MUC22: variants seen among roughly 807,000 people sequenced by gnomAD.
MUC22 encodes mucin-22.
In MUC22, 24 loss-of-function variants were observed where a neutral mutation model predicts 40.3. The observed-to-expected ratio is 0.60, with a 90% CI of 0.43 to 0.84. MUC22 has a LOEUF of 0.84. MUC22 is among the 40% of genes least tolerant of loss of function. The pLI, the probability that MUC22 is intolerant of heterozygous loss-of-function variation, is 0.00. For missense variants in MUC22, 1,926 were observed against 2,130.7 expected, an observed-to-expected ratio of 0.90 and a Z score of 1.89; for synonymous variants, 765 against 844.5, an observed-to-expected ratio of 0.91 and a Z score of 1.63.
rs73395827 is a variant in MUC22 at position 31,010,635 on chromosome 6, C to A, written c.-72C>A. 150 of 699,474 alleles carry A rather than the reference C, an allele frequency of 2.1e-4. 1 individual carries two copies. The African/African-American group carries it at 2.4e-3, about 11-fold the overall frequency. The allele number at this position is 699,474 out of a possible 1,614,324, so 43.3% of individuals were successfully genotyped here. On this transcript the variant is annotated 5_prime_UTR_variant, in exon 1 of 4. It adds an upstream start codon to the 5' untranslated region. Coordinates refer to ENST00000561890, the Ensembl canonical transcript of MUC22. Reference sequence around the variant, plus strand: ...CCCAGGGGGTTTGCCCCTTGTCTCTCTGCCTCTTTGACCTATCCTTCCTTT... The same window carrying A: ...CCCAGGGGGTTTGCCCCTTGTCTCTATGCCTCTTTGACCTATCCTTCCTTT...
intron 1 of MUC22, among the ~76,000 whole-genome samples, chr6:31,024,986 C>T (rs1324347077): frequency 6.6e-6 from 1 of 151,990 alleles, no homozygotes; most frequent in Non-Finnish European, 1.5e-5. Context: ...TCTCCTGCCT[C>T]AGCCTCCTGA....
intron 1 of MUC22, among the ~76,000 whole-genome samples, chr6:31,015,549 A>G (rs1619376): frequency 0.81 from 123,795 of 152,066 alleles, 50,802 homozygotes; most frequent in African/African-American, 0.91. Flanking sequence ...GACCTTATAC[A>G]TCTGAAAATG....
intron 2 of MUC22, 143 bp downstream of exon 2, chr6:31,030,243 C>T (rs62401667): frequency 0.11 from 115,182 of 1,003,452 alleles, 7,445 homozygotes; most frequent in Middle Eastern, 0.16. Context: ...CTAGGCTGGG[C>T]GCGGTGGCTC....
upstream of MUC22, chr6:31,010,388 A>G: frequency 3.1e-6 from 1 of 318,582 alleles, no homozygotes; most frequent in Non-Finnish European, 5.9e-6. Flanking sequence ...CAGCGCAGAA[A>G]TGCCCCTCCC....
upstream of MUC22, among the ~76,000 whole-genome samples, chr6:31,008,923 A>T (rs561038998): frequency 6.6e-6 from 1 of 152,212 alleles, no homozygotes; most frequent in Non-Finnish European, 1.5e-5. Context: ...TTCAGCGTGT[A>T]CAATGTGTTG....
chr6:31,025,931 T>C, exon 2 of MUC22: 5 of 1,529,732 alleles, frequency 3.3e-6, no homozygotes, highest in Non-Finnish European at 4.4e-6. Context: ...GAGAAAACGA[T>C]GGCCTCCTCC....
intron 1 of MUC22, among the ~76,000 whole-genome samples, chr6:31,014,543 T>C (rs1764068065): frequency 6.6e-6 from 1 of 152,240 alleles, no homozygotes; most frequent in Admixed American, 6.5e-5. Context: ...CATCACTTTC[T>C]CTAGAAGCTT....
chr6:31,028,835 C>T, exon 2 of MUC22: 6 of 1,533,006 alleles, frequency 3.9e-6, no homozygotes, highest in Non-Finnish European at 5.2e-6. Context: ...GGCTCTGAGA[C>T]CACCACAGCC....
exon 2 of MUC22, chr6:31,026,401 G>A: frequency 6.6e-7 from 1 of 1,507,114 alleles, no homozygotes; most frequent in Non-Finnish European, 8.9e-7. Flanking sequence ...CTCTACGGCA[G>A]GATCCGAGAA....
intron 1 of MUC22, among the ~76,000 whole-genome samples, chr6:31,021,259 G>C (rs9262515): frequency 0.3 from 35,870 of 118,062 alleles, 5,792 homozygotes; most frequent in East Asian, 0.43. Context: ...CACCCTGTGT[G>C]TAGCTCAGGA....
rs1386114391 is a variant in MUC22 at position 31,032,755 on chromosome 6, G to C, written c.5055+174G>C. On this transcript the variant is annotated intron_variant, in intron 3 of 3. Coordinates refer to ENST00000561890, the Ensembl canonical transcript of MUC22. The surrounding 1 kb of genome is among the most constrained non-coding windows in gnomAD (Gnocchi z 4.1). ...AGAGAGAATGCTTAAGTCAGAGAAAGTGAGAAGCAAAGTAGAAAAAGAGGA... is the reference window on the plus strand; with the variant it reads ...AGAGAGAATGCTTAAGTCAGAGAAACTGAGAAGCAAAGTAGAAAAAGAGGA... Among the ~76,000 whole-genome samples, 1 of 152,200 alleles carries C rather than the reference G, an allele frequency of 6.6e-6. No individual in the cohort carries two copies. The highest frequency in any genetic ancestry group is 2.4e-5 in the African/African-American group (1 of 41,448).
intron 2 of MUC22, among the ~76,000 whole-genome samples, chr6:31,031,671 C>T (rs1183878446): frequency 6.6e-6 from 1 of 152,116 alleles, no homozygotes; most frequent in Non-Finnish European, 1.5e-5. Context: ...CCCCCTCCCA[C>T]TCTTCCCCCA....
exon 4 of MUC22, chr6:31,035,120 T>C (rs997814510): frequency 3.0e-6 from 2 of 675,894 alleles, no homozygotes; most frequent in African/African-American, 1.8e-5. Flanking sequence ...ATGTGATCCA[T>C]GGAGATGGAC....
chr6:31,032,908 G>C lies in MUC22; in HGVS notation c.5055+327G>C, dbSNP rs573549603. Among the ~76,000 whole-genome samples the C allele has an allele frequency of 6.6e-6, 1 of 152,312 alleles. No individual in the cohort carries two copies. Among genetic ancestry groups the C allele is most frequent in the Non-Finnish European group, 1.5e-5 (1 of 68,026 alleles). Reference sequence around the variant, plus strand: ...CAGCTGGGCGCAGTGGCTCACCCCTGTAATTCCAGCACTTTGGAAGGCCAA... The same window carrying C: ...CAGCTGGGCGCAGTGGCTCACCCCTCTAATTCCAGCACTTTGGAAGGCCAA... On this transcript the variant is annotated intron_variant, in intron 3 of 3. Transcript: ENST00000561890. The surrounding 1 kb of genome is among the most constrained non-coding windows in gnomAD (Gnocchi z 4.1).
chr6:31,012,409 G>C (rs1001062150), intron 1 of MUC22, among the ~76,000 whole-genome samples: 1 of 152,060 alleles, frequency 6.6e-6, no homozygotes, highest in Non-Finnish European at 1.5e-5. Flanking sequence ...TCTGCCCGTC[G>C]CCTGTCCTAA....
At chr6:31,020,835 G>A (rs1310130295) in intron 1 of MUC22, among the ~76,000 whole-genome samples, 1 of 152,226 alleles carries the variant, frequency 6.6e-6, no homozygotes, top group Non-Finnish European at 1.5e-5. Flanking sequence ...GGCCCTGCAG[G>A]CCCCGGGCAG....
intron 1 of MUC22, among the ~76,000 whole-genome samples, chr6:31,015,888 CG>C (rs1302995013): frequency 6.6e-6 from 1 of 152,024 alleles, no homozygotes; most frequent in Admixed American, 6.6e-5. Flanking sequence ...AATTGCCTCT[CG>C]TCCATTTTCT....
intron 2 of MUC22, among the ~76,000 whole-genome samples, chr6:31,031,928 G>A (rs932758397): frequency 6.6e-6 from 1 of 152,052 alleles, no homozygotes; most frequent in Non-Finnish European, 1.5e-5. Flanking sequence ...AACCCATCGC[G>A]ATAACGTTTC....
intron 1 of MUC22, among the ~76,000 whole-genome samples, chr6:31,021,913 T>C (rs74782521): frequency 0.056 from 8,444 of 152,138 alleles, 335 homozygotes; most frequent in East Asian, 0.11. Context: ...CTGCTCACTT[T>C]TTGGGTCTAC....
Sources: gnomAD v4.1 joint callset for allele counts (sites outside exome capture counted in the v4.1 genomes callset) on GRCh38, gnomAD v4.1.1 for gene constraint, Gnocchi (gnomAD v3.1) non-coding constraint, MANE v1.5 for transcripts, NCBI Gene and HGNC (gene_info 2026-07-23, HGNC 2026-07-21) for gene names.